The following MVK variants were observed in gnomAD, a reference collection of about 807,000 sequenced individuals.
MVK encodes the protein LH receptor mRNA-binding protein.
A neutral mutation model predicts 43.2 loss-of-function variants in MVK; 34 were observed. The observed-to-expected ratio is 0.79, with a 90% CI of 0.60 to 1.05. The LOEUF (loss-of-function observed/expected upper bound fraction) is 1.05, where lower values mean the gene tolerates loss of function less well. MVK is among the 50% of genes least tolerant of loss of function. MVK has a pLI of 0.00. For synonymous variants in MVK, 190 were observed against 219.8 expected (o/e 0.86, Z 1.20); for missense variants, 395 against 504.0 (o/e 0.78, Z 2.07).
upstream of MVK, chr12:109,573,388 A>G (rs1884736438): frequency 6.2e-7 from 1 of 1,612,442 alleles, no homozygotes; most frequent in African/African-American, 1.3e-5. Context: ...GGCTCTGGAA[A>G]CGGGGATACA....
intron 3 of MVK, 29 bp from the exon 4 acceptor site, chr12:109,579,773 T>C: frequency 6.2e-7 from 1 of 1,614,048 alleles, no homozygotes; most frequent in Admixed American, 1.7e-5. Flanking sequence ...TCTCACCCAC[T>C]TGTGTTTGCT....
chr12:109,573,724 G>C (rs1220410544), upstream of MVK: 3 of 578,292 alleles, frequency 5.2e-6, no homozygotes, highest in African/African-American at 5.6e-5. Context: ...TATTGGTAAA[G>C]GTACTCCGGG....
chr12:109,596,648 T>C lies in MVK; in HGVS notation c.*71T>C. ...ATTATTCTGGGGGCTGCAGTTCGAC[T>C]CTGTGCTGGCCAGCGAGCGCCCAGC... On this transcript the variant is annotated 3_prime_UTR_variant, in exon 11 of 11. Coordinates refer to ENST00000228510, the MANE Select transcript of MVK (RefSeq NM_000431.4). 1 of 1,578,754 alleles carries C rather than the reference T, an allele frequency of 6.3e-7. No individual in the cohort carries two copies. The highest frequency in any genetic ancestry group is 8.6e-7 in the Non-Finnish European group (1 of 1,166,972).
At chr12:109,576,316 T>C (rs1054023145) in intron 3 of MVK, among the ~76,000 whole-genome samples, 171 bp downstream of exon 3, 1 of 152,116 alleles carries the variant, frequency 6.6e-6, no homozygotes, top group African/African-American at 2.4e-5. Context: ...AATTTATAGG[T>C]GTAAAACAAT....
At chr12:109,587,219 C>T in intron 7 of MVK, 1 of 260,152 alleles carries the variant, frequency 3.8e-6, no homozygotes, top group East Asian at 8.4e-5. Context: ...CAGACACACA[C>T]AAAAGCCGCC....
At position 109,595,199 on chromosome 12, in the gene MVK, G is replaced by T; in HGVS notation, c.1039+18G>T. 1 of 1,613,640 alleles carries T rather than the reference G, an allele frequency of 6.2e-7. No homozygotes were observed. On this transcript the variant is annotated intron_variant, in intron 10 of 10. Transcript: ENST00000228510. This position sits in a 1 kb window ranked among gnomAD's most constrained non-coding sequence, Gnocchi z 5.9. ...CAAGCCAGGTATCCCGGGGGTAGGTGGGCCAGGCTGCCAGCCTGGGCTCCT... is the reference window on the plus strand; with the variant it reads ...CAAGCCAGGTATCCCGGGGGTAGGTTGGCCAGGCTGCCAGCCTGGGCTCCT...
chr12:109,593,943 C>T (rs1468493208), intron 9 of MVK, among the ~76,000 whole-genome samples: 1 of 151,860 alleles, frequency 6.6e-6, no homozygotes, highest in African/African-American at 2.4e-5. Context: ...GTCTCAAACT[C>T]CTGACCTCAA....
intron 7 of MVK, chr12:109,587,947 A>G (rs934812157): frequency 6.6e-6 from 1 of 152,326 alleles, no homozygotes; most frequent in Non-Finnish European, 1.5e-5. Context: ...TGGCAATCAA[A>G]AACATCTCCA....
intron 7 of MVK, chr12:109,589,802 C>T (rs903913578): frequency 5.3e-5 from 8 of 152,308 alleles, no homozygotes; most frequent in African/African-American, 1.9e-4. Flanking sequence ...CCTTCCATCC[C>T]AGCCTGCAGC....
chr12:109,573,413 C>T (rs767706407), upstream of MVK: 92 of 1,610,278 alleles, frequency 5.7e-5, 1 homozygote, highest in Non-Finnish European at 7.7e-5. Flanking sequence ...CCTGGCGGCG[C>T]CGAAGCACCC....
At position 109,576,009 on chromosome 12, in the gene MVK, T is replaced by G. The variant is rs1217542885; in HGVS notation, c.90T>G (p.Ala30=). The stretch of plus-strand genomic sequence containing the variant: ...CATTTATTCTATAGGTAGCACTGGC[T>G]GTATCCTTGAACTTGAGAACATTCC... ...HAVVHGKVAL[A]VSLNLRTFLR... Residue 30 remains alanine, a synonymous_variant, in exon 3 of 11, where the codon GCT becomes GCG. Coordinates refer to ENST00000228510, the MANE Select transcript of MVK (RefSeq NM_000431.4). 6.2e-7 allele frequency: 1 copy of G among 1,614,118 alleles called. No individual in the cohort carries two copies. The highest frequency in any genetic ancestry group is 8.5e-7 in the Non-Finnish European group (1 of 1,180,048).
At chr12:109,586,856 G>T (rs770361704) in intron 7 of MVK, 57 bp downstream of exon 7, 15 of 1,588,858 alleles carry the variant, frequency 9.4e-6, no homozygotes, top group African/African-American at 1.3e-5. Context: ...TGTGCAGGGG[G>T]CAGAGCTCTG....
upstream of MVK, chr12:109,573,449 C>A: frequency 1.1e-5 from 17 of 1,608,096 alleles, no homozygotes; most frequent in Non-Finnish European, 1.4e-5. Context: ...GCTCCCCAGG[C>A]CAAGACGGCT....
intron 2 of MVK, among the ~76,000 whole-genome samples, chr12:109,575,579 G>C (rs987388228): frequency 6.6e-6 from 1 of 152,030 alleles, no homozygotes; most frequent in African/African-American, 2.4e-5. Flanking sequence ...TTTTTCTGTA[G>C]AGACGTGGTC....
intron 4 of MVK, among the ~76,000 whole-genome samples, chr12:109,580,603 G>A (rs72648003): frequency 0.015 from 2,216 of 152,314 alleles, 31 homozygotes; most frequent in Non-Finnish European, 0.021. Context: ...GTCCCCTTAA[G>A]TGGGTGAGGG....
intron 5 of MVK, among the ~76,000 whole-genome samples, chr12:109,581,934 G>T (rs1593018096): frequency 6.6e-6 from 1 of 152,202 alleles, no homozygotes; most frequent in African/African-American, 2.4e-5. Context: ...CCTCTGTATG[G>T]TAATGACAGT....
At chr12:109,579,426 G>A (rs969830854) in intron 3 of MVK, 6 of 358,412 alleles carry the variant, frequency 1.7e-5, no homozygotes, top group Admixed American at 3.8e-5. Flanking sequence ...AGGCATAAGC[G>A]CCTGCACCCA....
rs1885621406 is a variant in MVK at position 109,590,577 on chromosome 12, CCCAA to C, written c.678-190_678-187del. ...GTGAAAAGCCAAGGGAGAATGGCCA[CCCAA>C]CCAGTGCCTGGGATGGAGGCGCAGC... On this transcript the variant is annotated intron_variant, in intron 7 of 10. Coordinates refer to ENST00000228510, the MANE Select transcript of MVK (RefSeq NM_000431.4). 7 of 643,150 alleles carry C rather than the reference CCCAA, an allele frequency of 1.1e-5. No individual in the cohort carries two copies. In the Admixed American group the frequency reaches 1.6e-4, roughly 15 times the overall value. The allele number at this position is 643,150 out of a possible 1,614,324, so 39.8% of individuals were successfully genotyped here. A position where few individuals can be genotyped will look rare whatever the true frequency, so the allele number is the denominator to read the frequency against.
At chr12:109,573,467 C>T (rs769048646), upstream of MVK, 82 of 1,604,902 alleles carry the variant, frequency 5.1e-5, no homozygotes, top group South Asian at 1.5e-4. Flanking sequence ...GCTCCCCAGG[C>T]CGCACACAGC....
Sources: gnomAD v4.1 joint callset for allele counts (sites outside exome capture counted in the v4.1 genomes callset) on GRCh38, gnomAD v4.1.1 for gene constraint, Gnocchi (gnomAD v3.1) non-coding constraint, MANE v1.5 for transcripts, NCBI Gene and HGNC (gene_info 2026-07-23, HGNC 2026-07-21) for gene names.